The following ZNF385D variants were observed in gnomAD, a reference collection of about 807,000 sequenced individuals.
ZNF385D encodes the protein zinc finger protein 385D, also known as zinc finger protein 659.
Under a neutral mutation model 35.8 loss-of-function variants are expected in ZNF385D, and 15 were observed. The observed-to-expected ratio is 0.42, with a 90% CI of 0.28 to 0.64. ZNF385D has a LOEUF of 0.64. Ranked by LOEUF, ZNF385D falls within the 30% of genes least tolerant of loss-of-function variation. ZNF385D has a pLI of 0.23. For synonymous variants in ZNF385D, 212 were observed against 186.8 expected (o/e 1.13, Z -1.10); for missense variants, 474 against 494.6 (o/e 0.96, Z 0.39).
At chr3:22,083,615 C>T (rs1173876668) in intron 3 of ZNF385D, among the ~76,000 whole-genome samples, 3 of 152,128 alleles carry the variant, frequency 2.0e-5, no homozygotes, top group African/African-American at 7.2e-5. Flanking sequence ...ATTGGTGTAC[C>T]TGAAAGTGAT....
At chr3:21,467,008 C>G (rs987817954) in intron 4 of ZNF385D, among the ~76,000 whole-genome samples, 4 of 152,158 alleles carry the variant, frequency 2.6e-5, no homozygotes, top group African/African-American at 9.7e-5. Context: ...CTATACCAAG[C>G]TTCTTACCAA....
intron 4 of ZNF385D, among the ~76,000 whole-genome samples, chr3:21,462,573 A>G (rs1057268422): frequency 1.3e-5 from 2 of 152,238 alleles, no homozygotes; most frequent in African/African-American, 4.8e-5. Context: ...GCTACAGATA[A>G]AAACATAAAG....
chr3:22,149,127 G>T (rs954046615), intron 3 of ZNF385D, among the ~76,000 whole-genome samples: 1 of 152,048 alleles, frequency 6.6e-6, no homozygotes, highest in African/African-American at 2.4e-5. Context: ...CGCAACCCCG[G>T]ACCTGTATCA....
At chr3:21,826,682 T>G (rs557655003) in intron 3 of ZNF385D, among the ~76,000 whole-genome samples, 1 of 152,268 alleles carries the variant, frequency 6.6e-6, no homozygotes, top group South Asian at 2.1e-4. Flanking sequence ...ATACATTCCT[T>G]AAGTTCCAGC....
At chr3:21,607,888 T>G (rs566755897) in intron 2 of ZNF385D, among the ~76,000 whole-genome samples, 6 of 152,286 alleles carry the variant, frequency 3.9e-5, no homozygotes, top group Non-Finnish European at 8.8e-5. Flanking sequence ...TAATTATCTT[T>G]CCTACTTTTG....
chr3:21,671,972 T>C (rs749219143), intron 1 of ZNF385D, among the ~76,000 whole-genome samples: 3 of 152,142 alleles, frequency 2.0e-5, no homozygotes, highest in Admixed American at 1.3e-4. Flanking sequence ...GCTGACCAAA[T>C]CGGATAAATA....
At chr3:22,153,534 G>T (rs1705400456) in intron 3 of ZNF385D, among the ~76,000 whole-genome samples, 1 of 149,156 alleles carries the variant, frequency 6.7e-6, no homozygotes, top group Non-Finnish European at 1.5e-5. Context: ...CACGGTCTCG[G>T]ATCACTGCAA....
At chr3:21,709,299 A>G (rs1467857032) in intron 1 of ZNF385D, among the ~76,000 whole-genome samples, 1 of 152,116 alleles carries the variant, frequency 6.6e-6, no homozygotes, top group Admixed American at 6.5e-5. Flanking sequence ...TTTCTATGCT[A>G]ATCTTCCTTC....
At chr3:22,256,447 C>T (rs139944581) in intron 2 of ZNF385D, among the ~76,000 whole-genome samples, 1 of 151,570 alleles carries the variant, frequency 6.6e-6, no homozygotes. Context: ...TTGAATTGAT[C>T]ATTTTTTTTA....
chr3:21,979,580 C>T (rs185656358), intron 3 of ZNF385D: 2 of 152,168 alleles, frequency 1.3e-5, no homozygotes, highest in African/African-American at 4.8e-5. Flanking sequence ...TCCTGCCTCA[C>T]TTCATTAAAC....
rs569135029 is a variant in ZNF385D, at chr3:22,062,655, C to T, written c.325+106162G>A. 3.3e-5 allele frequency among the ~76,000 whole-genome samples: 5 copies of T among 152,308 alleles called. No homozygotes were observed. In the East Asian group the frequency reaches 5.8e-4, roughly 18 times the overall value. On this transcript the variant is annotated intron_variant, in intron 3 of 5. Transcript: ENST00000494108. Reference sequence around the variant, plus strand: ...AAAGATGCACTCTATCTTCCTTCCACGTAAGTGTGGCCCAGGCTTAGTGAC... The same window carrying T: ...AAAGATGCACTCTATCTTCCTTCCATGTAAGTGTGGCCCAGGCTTAGTGAC...
At chr3:21,711,266 C>T (rs992372111) in intron 1 of ZNF385D, among the ~76,000 whole-genome samples, 1 of 151,902 alleles carries the variant, frequency 6.6e-6, no homozygotes, top group African/African-American at 2.4e-5. Context: ...TGGTCTCGAT[C>T]TCCTGACCTC....
At chr3:21,653,586 A>G (rs1297745081) in intron 2 of ZNF385D, among the ~76,000 whole-genome samples, 1 of 152,042 alleles carries the variant, frequency 6.6e-6, no homozygotes, top group Non-Finnish European at 1.5e-5. Context: ...ATTTTAGGTA[A>G]GTAAAATTAA....
chr3:21,462,719 C>T lies in ZNF385D; in HGVS notation c.440-25516G>A, dbSNP rs1026660184. The stretch of plus-strand genomic sequence containing the variant: ...AACATTGGCCAGGCACGGTGGCTTA[C>T]GCCTGTAATCCTAACACTTTGGGAG... On this transcript the variant is annotated intron_variant, in intron 4 of 7. Transcript: ENST00000281523. Among the ~76,000 whole-genome samples the T allele has an allele frequency of 4.6e-5, 7 of 152,306 alleles. No homozygotes were observed. In the South Asian group the frequency reaches 1.0e-3, roughly 23 times the overall value.
At chr3:21,686,177 T>C (rs1481170306) in intron 1 of ZNF385D, among the ~76,000 whole-genome samples, 1 of 152,198 alleles carries the variant, frequency 6.6e-6, no homozygotes, top group Admixed American at 6.5e-5. Flanking sequence ...TTGTTAGTTG[T>C]AGATATTTTA....
intron 3 of ZNF385D, among the ~76,000 whole-genome samples, chr3:22,047,916 T>C (rs1374915832): frequency 6.6e-6 from 1 of 152,138 alleles, no homozygotes; most frequent in African/African-American, 2.4e-5. Context: ...AACACCTACA[T>C]TGGTTTTTTT....
intron 4 of ZNF385D, among the ~76,000 whole-genome samples, chr3:21,480,357 C>T (rs1704539052): frequency 6.6e-6 from 1 of 152,082 alleles, no homozygotes; most frequent in African/African-American, 2.4e-5. Context: ...TTCGCTTCAG[C>T]CTCCCAAAGT....
At chr3:21,421,580 A>C in intron 7 of ZNF385D, 133 bp from the exon 8 acceptor site, 1 of 634,160 alleles carries the variant, frequency 1.6e-6, no homozygotes, top group Non-Finnish European at 2.7e-6. Context: ...TTGTGAACTG[A>C]CAACAAAGAA....
intron 3 of ZNF385D, among the ~76,000 whole-genome samples, chr3:21,945,341 A>C (rs992287974): frequency 6.6e-6 from 1 of 152,076 alleles, no homozygotes; most frequent in African/African-American, 2.4e-5. Flanking sequence ...TTTTTTAACC[A>C]ATGTGAATGT....
Sources: gnomAD v4.1 joint callset for allele counts (sites outside exome capture counted in the v4.1 genomes callset) on GRCh38, gnomAD v4.1.1 for gene constraint, MANE v1.5 for transcripts, NCBI Gene and HGNC (gene_info 2026-07-23, HGNC 2026-07-21) for gene names.